The following DPP6 variants were observed in gnomAD, a reference collection of about 807,000 sequenced individuals.
The protein encoded by DPP6 is A-type potassium channel modulatory protein DPP6.
In DPP6, 69 loss-of-function variants were observed where a neutral mutation model predicts 122.6. The ratio of observed to expected loss-of-function variants is 0.56; its 90% confidence interval spans 0.46 to 0.69. The LOEUF (loss-of-function observed/expected upper bound fraction) is 0.69, where lower values mean the gene tolerates loss of function less well. DPP6 is among the 30% of genes least tolerant of loss of function. The probability of loss-of-function intolerance (pLI) is 0.00; values close to 1 mark genes in which losing one functional copy is unlikely to be tolerated. For missense variants in DPP6, 928 were observed against 1,116.9 expected (o/e 0.83, Z 2.41); for synonymous variants, 418 against 433.1 (o/e 0.97, Z 0.43).
At chr7:153,921,803 G>A (rs1435053499) in intron 1 of DPP6, among the ~76,000 whole-genome samples, 3 of 152,152 alleles carry the variant, frequency 2.0e-5, no homozygotes, top group South Asian at 2.1e-4. Context: ...CTTACCTTCC[G>A]CTGTTTCTTC....
intron 10 of DPP6, among the ~76,000 whole-genome samples, chr7:154,779,181 T>C (rs1324145447): frequency 4.4e-4 from 8 of 18,308 alleles, no homozygotes; most frequent in Admixed American, 7.4e-4. Context: ...ACCACATCCA[T>C]CACCCCCACA....
intron 1 of DPP6, among the ~76,000 whole-genome samples, chr7:153,989,322 TGTGTGA>T (rs111557306): frequency 4.2e-3 from 598 of 142,666 alleles, no homozygotes; most frequent in African/African-American, 0.014. Flanking sequence ...GAGTAAGATT[TGTGTGA>T]GTGTGAGTGT....
At chr7:154,079,766 C>T (rs1266736422) in intron 1 of DPP6, among the ~76,000 whole-genome samples, 1 of 151,982 alleles carries the variant, frequency 6.6e-6, no homozygotes, top group Non-Finnish European at 1.5e-5. Context: ...ATCCCTGATG[C>T]CCAGATGGAC....
chr7:154,818,430 C>T (rs1190883882), intron 16 of DPP6, among the ~76,000 whole-genome samples: 1 of 152,138 alleles, frequency 6.6e-6, no homozygotes. Flanking sequence ...TTGCATGATC[C>T]CAACATAGGA....
chr7:154,622,505 A>G (rs1367193357), intron 5 of DPP6, among the ~76,000 whole-genome samples: 1 of 152,002 alleles, frequency 6.6e-6, no homozygotes, highest in Admixed American at 6.6e-5. Flanking sequence ...TTTTAGAATT[A>G]CTCCGGAAGT....
Position 153,917,136 on chromosome 7 carries a change from G to A in DPP6, c.51+29402G>A, listed in dbSNP as rs922024432. Among the ~76,000 whole-genome samples, 11 of 152,214 alleles carry A rather than the reference G, an allele frequency of 7.2e-5. 1 individual carries two copies. The highest frequency in any genetic ancestry group is 6.2e-4 in the South Asian group (3 of 4,832). On this transcript the variant is annotated intron_variant, in intron 1 of 25. Transcript: ENST00000404039. Reference sequence around the variant, plus strand: ...CCAGAGAGATGTGGATGCTGCATCTGTGAGCTGTGCTTTAAGTAGCAAGTT... The same window carrying A: ...CCAGAGAGATGTGGATGCTGCATCTATGAGCTGTGCTTTAAGTAGCAAGTT...
At chr7:154,149,832 C>T (rs537601027) in intron 1 of DPP6, among the ~76,000 whole-genome samples, 2 of 152,248 alleles carry the variant, frequency 1.3e-5, no homozygotes, top group Admixed American at 6.5e-5. Context: ...ACACTCCCCA[C>T]CGTGGTACCC....
chr7:154,051,159 G>A (rs1218123554), upstream of DPP6, among the ~76,000 whole-genome samples: 8 of 124,566 alleles, frequency 6.4e-5, 1 homozygote, highest in Admixed American at 2.4e-4. Context: ...ATGGAAACCC[G>A]GAAGGAGCAG....
chr7:154,134,240 T>A (rs1054826230), intron 1 of DPP6, among the ~76,000 whole-genome samples: 1 of 152,198 alleles, frequency 6.6e-6, no homozygotes, highest in Non-Finnish European at 1.5e-5. Flanking sequence ...GTGCTGAGAC[T>A]CATCTTTCCA....
intron 7 of DPP6, among the ~76,000 whole-genome samples, chr7:154,724,830 G>T (rs189496525): frequency 1.5e-3 from 227 of 152,274 alleles, no homozygotes; most frequent in African/African-American, 5.2e-3. Flanking sequence ...AAGAGGGAAA[G>T]GTTCTGCAGA....
intron 8 of DPP6, among the ~76,000 whole-genome samples, chr7:154,743,223 T>A (rs1386034233): frequency 6.6e-6 from 1 of 152,064 alleles, no homozygotes; most frequent in Non-Finnish European, 1.5e-5. Context: ...TTAGATAGAG[T>A]ACTTCCTTTT....
intron 3 of DPP6, among the ~76,000 whole-genome samples, chr7:154,526,590 CAT>C (rs535944660): frequency 9.9e-5 from 15 of 152,246 alleles, no homozygotes; most frequent in Non-Finnish European, 1.9e-4. Flanking sequence ...TTAATGGAAA[CAT>C]GTGGCTAGAG....
At chr7:154,480,012 C>T (rs556930481) in intron 3 of DPP6, among the ~76,000 whole-genome samples, 8 of 152,200 alleles carry the variant, frequency 5.3e-5, no homozygotes, top group African/African-American at 1.7e-4. Context: ...TGCACCACTC[C>T]CACCCCGCCC....
intron 1 of DPP6, among the ~76,000 whole-genome samples, chr7:154,175,849 G>A (rs1797774995): frequency 1.3e-5 from 2 of 150,906 alleles, no homozygotes; most frequent in Non-Finnish European, 2.9e-5. Flanking sequence ...CACCACACCT[G>A]TCTAACTTTT....
intron 1 of DPP6, among the ~76,000 whole-genome samples, chr7:153,891,681 T>C (rs1176072924): frequency 6.6e-6 from 1 of 152,204 alleles, no homozygotes; most frequent in African/African-American, 2.4e-5. Flanking sequence ...TCCCCTACTC[T>C]GTCCATATGA....
intron 1 of DPP6, among the ~76,000 whole-genome samples, chr7:154,198,338 G>A (rs1243598197): frequency 6.6e-6 from 1 of 151,660 alleles, no homozygotes; most frequent in Non-Finnish European, 1.5e-5. Context: ...TTGAGATAGG[G>A]TCTCACTCTG....
intron 2 of DPP6, among the ~76,000 whole-genome samples, chr7:154,468,810 C>A (rs1822010096): frequency 6.6e-6 from 1 of 152,152 alleles, no homozygotes; most frequent in Admixed American, 6.5e-5. Flanking sequence ...TGTTATGCTA[C>A]TAGTTTTCTT....
intron 1 of DPP6, among the ~76,000 whole-genome samples, chr7:154,363,139 G>A (rs1811875863): frequency 6.6e-6 from 1 of 152,218 alleles, no homozygotes; most frequent in South Asian, 2.1e-4. Context: ...GTGGCAGCCA[G>A]CATTGAGATG....
chr7:154,196,760 C>G (rs995781553), intron 1 of DPP6, among the ~76,000 whole-genome samples: 3 of 152,116 alleles, frequency 2.0e-5, no homozygotes, highest in African/African-American at 7.2e-5. Flanking sequence ...CTGCAGGGAG[C>G]CTTCACCCTT....
Sources: gnomAD v4.1 joint callset for allele counts (sites outside exome capture counted in the v4.1 genomes callset) on GRCh38, gnomAD v4.1.1 for gene constraint, MANE v1.5 for transcripts, NCBI Gene and HGNC (gene_info 2026-07-23, HGNC 2026-07-21) for gene names.